Variants in CNTN5 observed in about 807,000 individuals in gnomAD.
CNTN5 encodes the protein contactin 5.
In CNTN5, 77 loss-of-function variants were observed where a neutral mutation model predicts 129.1. The observed-to-expected ratio is 0.60, with a 90% CI of 0.50 to 0.72. The LOEUF is 0.72. Among genes scored for constraint, CNTN5 ranks in the 30% least tolerant of loss-of-function variants. CNTN5 has a pLI of 0.00. For synonymous variants in CNTN5, 509 were observed against 465.6 expected, an observed-to-expected ratio of 1.09 and a Z score of -1.20; for missense variants, 1,478 against 1,328.8, an observed-to-expected ratio of 1.11 and a Z score of -1.75.
chr11:99,613,003 T>C (rs10893595), intron 3 of CNTN5, among the ~76,000 whole-genome samples: 39,104 of 151,708 alleles, frequency 0.26, 5,159 homozygotes, highest in African/African-American at 0.3. Flanking sequence ...GGTTTCAGAG[T>C]CACTTACACT....
intron 2 of CNTN5, among the ~76,000 whole-genome samples, chr11:99,416,309 G>A (rs938480150): frequency 1.3e-5 from 2 of 151,724 alleles, no homozygotes; most frequent in African/African-American, 4.8e-5. Flanking sequence ...ACAAGGTTTT[G>A]TTCTGTCACC....
chr11:99,232,170 T>C (rs1444563825), intron 1 of CNTN5, among the ~76,000 whole-genome samples: 3 of 152,184 alleles, frequency 2.0e-5, no homozygotes, highest in African/African-American at 4.8e-5. Context: ...AAATAGTTTT[T>C]CTCTAATTTG....
chr11:100,355,265 G>A (rs1221629172), intron 24 of CNTN5, among the ~76,000 whole-genome samples: 1 of 151,456 alleles, frequency 6.6e-6, no homozygotes, highest in East Asian at 1.9e-4. Context: ...CATTAGCATA[G>A]GCTTAGGCCT....
chr11:99,224,558 C>G (rs1388902148), intron 1 of CNTN5, among the ~76,000 whole-genome samples: 1 of 151,358 alleles, frequency 6.6e-6, no homozygotes, highest in Non-Finnish European at 1.5e-5. Flanking sequence ...GGCGTCATTA[C>G]TTTAAAGATG....
chr11:99,338,286 TC>T (rs748839902), intron 2 of CNTN5, among the ~76,000 whole-genome samples: 8 of 152,216 alleles, frequency 5.3e-5, no homozygotes, highest in Non-Finnish European at 4.4e-5. Flanking sequence ...TCATTCTTTT[TC>T]TTTCATAAAA....
intron 1 of CNTN5, among the ~76,000 whole-genome samples, chr11:99,179,788 T>C (rs1387692781): frequency 1.3e-5 from 2 of 152,220 alleles, no homozygotes; most frequent in Non-Finnish European, 2.9e-5. Flanking sequence ...TCTGTAGTAA[T>C]GTAGCCAAAT....
At chr11:99,645,067 C>A (rs1038319255) in intron 3 of CNTN5, among the ~76,000 whole-genome samples, 1 of 148,536 alleles carries the variant, frequency 6.7e-6, no homozygotes, top group African/African-American at 2.5e-5. Flanking sequence ...GAGTTGAGAC[C>A]AGCCTGGCCA....
intron 6 of CNTN5, among the ~76,000 whole-genome samples, chr11:99,875,269 G>A (rs936482787): frequency 2.0e-5 from 3 of 151,906 alleles, no homozygotes; most frequent in African/African-American, 7.3e-5. Context: ...ATAATACTTC[G>A]ATCAGTGAAA....
chr11:99,708,592 CT>C (rs1180798675), intron 3 of CNTN5, among the ~76,000 whole-genome samples: 1 of 151,668 alleles, frequency 6.6e-6, no homozygotes, highest in Non-Finnish European at 1.5e-5. Flanking sequence ...CTACTAGTGC[CT>C]AAGCATTGCC....
chr11:99,860,312 A>G (rs1948166574), intron 6 of CNTN5, among the ~76,000 whole-genome samples: 1 of 151,864 alleles, frequency 6.6e-6, no homozygotes, highest in South Asian at 2.1e-4. Flanking sequence ...TAGTTTAGTT[A>G]GGTGTAACTT....
intron 13 of CNTN5, among the ~76,000 whole-genome samples, chr11:100,090,378 A>G (rs779131908): frequency 1.5e-4 from 23 of 151,692 alleles, no homozygotes; most frequent in Non-Finnish European, 2.7e-4. Flanking sequence ...TCAATTTGTT[A>G]TTTTCTTTTT....
chr11:99,170,302 G>T (rs1045781802), intron 1 of CNTN5, among the ~76,000 whole-genome samples: 2 of 152,052 alleles, frequency 1.3e-5, no homozygotes, highest in Non-Finnish European at 2.9e-5. Flanking sequence ...CTTTCCCAAG[G>T]ACGCACAGGT....
intron 18 of CNTN5, among the ~76,000 whole-genome samples, chr11:100,278,579 TAA>T (rs1290098976): frequency 1.3e-5 from 2 of 152,032 alleles, no homozygotes; most frequent in Admixed American, 6.6e-5. Flanking sequence ...GTAAATAAGA[TAA>T]GTTTCTTGAT....
intron 3 of CNTN5, among the ~76,000 whole-genome samples, chr11:99,793,798 T>A (rs1428880420): frequency 1.3e-5 from 2 of 152,184 alleles, no homozygotes; most frequent in Admixed American, 1.3e-4. Flanking sequence ...TTGATTTCAA[T>A]TTATAAAAAA....
intron 2 of CNTN5, among the ~76,000 whole-genome samples, chr11:99,403,865 T>C (rs1236154822): frequency 1.3e-5 from 2 of 152,298 alleles, no homozygotes; most frequent in Non-Finnish European, 2.9e-5. Context: ...GTATCTATTA[T>C]GTCCATTTTG....
At chr11:99,507,138 G>GA (rs1946653237) in intron 2 of CNTN5, among the ~76,000 whole-genome samples, 2 of 151,904 alleles carry the variant, frequency 1.3e-5, no homozygotes, top group South Asian at 4.2e-4. Context: ...AGTACTTTGG[G>GA]AGGCCGAGGC....
chr11:99,769,899 A>C (rs1944886926), intron 3 of CNTN5, among the ~76,000 whole-genome samples: 1 of 151,872 alleles, frequency 6.6e-6, no homozygotes, highest in Admixed American at 6.6e-5. Context: ...AGCCTTATCA[A>C]CTCTTGTCAA....
At chr11:99,292,387 C>T (rs1864207577) in intron 1 of CNTN5, among the ~76,000 whole-genome samples, 1 of 136,028 alleles carries the variant, frequency 7.4e-6, no homozygotes, top group Non-Finnish European at 1.5e-5. Context: ...CCAGTGAAAT[C>T]AAAGGAAAGA....
At chr11:99,442,351 G>C (rs1943868956) in intron 2 of CNTN5, among the ~76,000 whole-genome samples, 1 of 152,042 alleles carries the variant, frequency 6.6e-6, no homozygotes, top group Non-Finnish European at 1.5e-5. Context: ...TGTATTTTTA[G>C]TAGAGACCGG....
Sources: gnomAD v4.1 joint callset for allele counts (sites outside exome capture counted in the v4.1 genomes callset) on GRCh38, gnomAD v4.1.1 for gene constraint, MANE v1.5 for transcripts, NCBI Gene and HGNC (gene_info 2026-07-23, HGNC 2026-07-21) for gene names.